Variants in KIRREL3 observed in about 807,000 individuals in gnomAD.
KIRREL3 encodes the protein kin of IRRE-like protein 3.
A neutral mutation model predicts 89.7 loss-of-function variants in KIRREL3; 36 were observed. The observed-to-expected ratio is 0.40, with a 90% CI of 0.31 to 0.53. KIRREL3 has a LOEUF of 0.53. Ranked by LOEUF, KIRREL3 falls within the 20% of genes least tolerant of loss-of-function variation. KIRREL3 has a pLI of 0.49. For synonymous variants in KIRREL3, 445 were observed against 441.4 expected, an observed-to-expected ratio of 1.01 and a Z score of -0.10; for missense variants, 864 against 1,056.6, an observed-to-expected ratio of 0.82 and a Z score of 2.53.
rs1184761432 is a variant in KIRREL3, at chr11:126,805,651, C to T, written c.55+194804G>A. On this transcript the variant is annotated intron_variant, in intron 1 of 16. Transcript: ENST00000525144. This position sits in a 1 kb window ranked among gnomAD's most constrained non-coding sequence, Gnocchi z 4.3. ...TTATTTTCAGGGTGATTGCTAAACT[C>T]CACAGTACAAAGTATGTAATAGATA... is the stretch of plus-strand genomic sequence containing the variant. Among the ~76,000 whole-genome samples the T allele has an allele frequency of 5.9e-5, 9 of 152,118 alleles. No individual in the cohort carries two copies. Among genetic ancestry groups the T allele is most frequent in the Non-Finnish European group, 1.3e-4 (9 of 68,028 alleles).
At chr11:126,962,769 C>A (rs369894127) in intron 1 of KIRREL3, among the ~76,000 whole-genome samples, 1 of 152,120 alleles carries the variant, frequency 6.6e-6, no homozygotes, top group Non-Finnish European at 1.5e-5. Flanking sequence ...GCCAACTTCA[C>A]TGTGGTCTTA....
Position 126,476,773 on chromosome 11 carries a change from C to T in KIRREL3, c.434-3307G>A, listed in dbSNP as rs1957080431. Among the ~76,000 whole-genome samples, 1 of 152,126 alleles carries T rather than the reference C, an allele frequency of 6.6e-6. No homozygotes were observed. Among genetic ancestry groups the T allele is most frequent in the South Asian group, 2.1e-4 (1 of 4,828 alleles). ...GTGTCTGGCGTGGAAGGGGGCTCCT[C>T]ATTACCTCCCCATTCAGACTCGGCC... On this transcript the variant is annotated intron_variant, in intron 4 of 16. Coordinates refer to ENST00000525144, the MANE Select transcript of KIRREL3 (RefSeq NM_032531.4). The surrounding 1 kb of genome is among the most constrained non-coding windows in gnomAD (Gnocchi z 6.4).
rs1949653960 is a variant in KIRREL3, at chr11:126,761,091, G to A, written c.56-198179C>T. Among the ~76,000 whole-genome samples, 1 of 152,230 alleles carries A rather than the reference G, an allele frequency of 6.6e-6. No individual in the cohort carries two copies. The highest frequency in any genetic ancestry group is 6.5e-5 in the Admixed American group (1 of 15,286). ...ACCATGGAGGATATATGGAATGGGT[G>A]TGGAGGTGGCTCACTTCCTCCTGCC... On this transcript the variant is annotated intron_variant, in intron 1 of 16. Coordinates refer to ENST00000525144, the MANE Select transcript of KIRREL3 (RefSeq NM_032531.4). This position sits in a 1 kb window ranked among gnomAD's most constrained non-coding sequence, Gnocchi z 4.4.
At chr11:126,799,352 CTG>C (rs200324992) in intron 1 of KIRREL3, among the ~76,000 whole-genome samples, 4 of 67,878 alleles carry the variant, frequency 5.9e-5, no homozygotes. Context: ...GTGTGTATCT[CTG>C]TGTGTATCTG....
intron 1 of KIRREL3, among the ~76,000 whole-genome samples, chr11:126,743,363 G>A (rs11220596): frequency 0.38 from 57,075 of 151,952 alleles, 11,881 homozygotes; most frequent in East Asian, 0.82. Flanking sequence ...TTAACCTAGA[G>A]ACTCTGAGGC....
Position 126,739,642 on chromosome 11 carries a change from A to C in KIRREL3, c.56-176730T>G, listed in dbSNP as rs1325413485. On this transcript the variant is annotated intron_variant, in intron 1 of 16. Coordinates refer to ENST00000525144, the MANE Select transcript of KIRREL3 (RefSeq NM_032531.4). The surrounding 1 kb of genome is among the most constrained non-coding windows in gnomAD (Gnocchi z 5.5). ...ATCTGTAATTTGGGCAGGAGTGAGG[A>C]GAAGGAAACCACAGTTAAGGTATGT... Among the ~76,000 whole-genome samples the C allele has an allele frequency of 6.6e-6, 1 of 152,194 alleles. No homozygotes were observed. Among genetic ancestry groups the C allele is most frequent in the Non-Finnish European group, 1.5e-5 (1 of 68,032 alleles).
At position 126,883,554 on chromosome 11, in the gene KIRREL3, GA is replaced by G. The variant is rs1173005347; in HGVS notation, c.55+116900del. 6.6e-6 allele frequency among the ~76,000 whole-genome samples: 1 copy of G among 152,086 alleles called. No individual in the cohort carries two copies. Among genetic ancestry groups the G allele is most frequent in the Admixed American group, 6.6e-5 (1 of 15,262 alleles). ...CCTGGAAAAAATCCAAACCTTTGATGAAGTTTGGGTAAAGTCACTTTCTGCA... is the reference window on the plus strand; with the variant it reads ...CCTGGAAAAAATCCAAACCTTTGATGAGTTTGGGTAAAGTCACTTTCTGCA... On this transcript the variant is annotated intron_variant, in intron 1 of 16. Coordinates refer to ENST00000525144, the MANE Select transcript of KIRREL3 (RefSeq NM_032531.4). This position sits in a 1 kb window ranked among gnomAD's most constrained non-coding sequence, Gnocchi z 4.1.
chr11:126,685,372 A>C lies in KIRREL3; in HGVS notation c.56-122460T>G, dbSNP rs182112667. 2.6e-5 allele frequency among the ~76,000 whole-genome samples: 4 copies of C among 152,218 alleles called. No homozygotes were observed. On this transcript the variant is annotated intron_variant, in intron 1 of 16. Transcript: ENST00000525144. The surrounding 1 kb of genome is among the most constrained non-coding windows in gnomAD (Gnocchi z 5.5). Reference sequence around the variant, plus strand: ...TCTTGCAGGAGACTTGGAGACAGAAATTCTTTGGGAAGGAGATGGGGTAGC... The same window carrying C: ...TCTTGCAGGAGACTTGGAGACAGAACTTCTTTGGGAAGGAGATGGGGTAGC...
At chr11:126,966,926 A>T (rs1949290272) in intron 1 of KIRREL3, among the ~76,000 whole-genome samples, 1 of 152,184 alleles carries the variant, frequency 6.6e-6, no homozygotes, top group South Asian at 2.1e-4. Context: ...CTGTAAATTA[A>T]ATAAGAAACT....
rs35902145 is a variant in KIRREL3, at chr11:126,660,184, CT to C, written c.56-97273del. ...AGAGAACTGTGAGGCCACAGGACTA[CT>C]GAAATAGAGCTCCATGCCCTTCTCC... On this transcript the variant is annotated intron_variant, in intron 1 of 16. Coordinates refer to ENST00000525144, the MANE Select transcript of KIRREL3 (RefSeq NM_032531.4). Among the ~76,000 whole-genome samples, 159 of 152,266 alleles carry C rather than the reference CT, an allele frequency of 1.0e-3. 3 individuals are homozygous for C. The highest frequency in any genetic ancestry group is 3.9e-3 in the South Asian group (19 of 4,816).
chr11:126,638,417 G>A (rs1048309051), intron 1 of KIRREL3, among the ~76,000 whole-genome samples: 9 of 152,208 alleles, frequency 5.9e-5, no homozygotes, highest in Admixed American at 5.9e-4. Flanking sequence ...AACTCTTGAT[G>A]TTTCACCAGT....
intron 1 of KIRREL3, among the ~76,000 whole-genome samples, chr11:126,586,356 G>T (rs1011365794): frequency 1.3e-5 from 2 of 152,112 alleles, no homozygotes; most frequent in Non-Finnish European, 2.9e-5. Flanking sequence ...ATCCAGCTCG[G>T]ACTGGATAGT....
At chr11:126,919,543 G>C (rs1368022949) in intron 1 of KIRREL3, among the ~76,000 whole-genome samples, 1 of 152,208 alleles carries the variant, frequency 6.6e-6, no homozygotes, top group Non-Finnish European at 1.5e-5. Flanking sequence ...CAACACATCA[G>C]AGACAAGCCT....
chr11:126,859,914 C>G (rs577009601), intron 1 of KIRREL3, among the ~76,000 whole-genome samples: 1 of 152,332 alleles, frequency 6.6e-6, no homozygotes, highest in East Asian at 1.9e-4. Context: ...ACCCTCCTTT[C>G]TATCTCTACA....
At chr11:126,446,301 TCTCTCTCTCTCTTC>T in intron 9 of KIRREL3, among the ~76,000 whole-genome samples, 3 of 150,882 alleles carry the variant, frequency 2.0e-5, no homozygotes, top group African/African-American at 7.4e-5. Flanking sequence ...TTTCTTTCTT[TCTCTCTCTCTCTTC>T]CTTTCTTCCT....
rs555307873 is a variant in KIRREL3 at position 126,520,336 on chromosome 11, G to A, written c.433+979C>T. Among the ~76,000 whole-genome samples, 2 of 152,254 alleles carry A rather than the reference G, an allele frequency of 1.3e-5. No homozygotes were observed. Among genetic ancestry groups the A allele is most frequent in the East Asian group, 3.9e-4 (2 of 5,166 alleles). On this transcript the variant is annotated intron_variant, in intron 4 of 16. Coordinates refer to ENST00000525144, the MANE Select transcript of KIRREL3 (RefSeq NM_032531.4). This position sits in a 1 kb window ranked among gnomAD's most constrained non-coding sequence, Gnocchi z 4.9. The stretch of plus-strand genomic sequence containing the variant: ...CCTGGCACAGACTCACGTGTAAGGG[G>A]GCAGCGAGGTGGGGCAGGTAGCCCT...
At chr11:126,886,957 A>G (rs1368613648) in intron 1 of KIRREL3, among the ~76,000 whole-genome samples, 1 of 89,270 alleles carries the variant, frequency 1.1e-5, no homozygotes. Flanking sequence ...TCAACATTCA[A>G]GAAAAAAGGA....
rs1957059181 is a variant in KIRREL3, at chr11:126,476,195, G to A, written c.434-2729C>T. Among the ~76,000 whole-genome samples the A allele has an allele frequency of 6.6e-6, 1 of 152,196 alleles. No homozygotes were observed. The highest frequency in any genetic ancestry group is 6.5e-5 in the Admixed American group (1 of 15,286). ...CCTTGACTGCATGCTCCTCTGCAGA[G>A]GTTTTAAAACCTCACTGCGGGCCAC... On this transcript the variant is annotated intron_variant, in intron 4 of 16. Transcript: ENST00000525144. This position sits in a 1 kb window ranked among gnomAD's most constrained non-coding sequence, Gnocchi z 6.4.
chr11:126,491,175 TC>T lies in KIRREL3; in HGVS notation c.434-17710del, dbSNP rs1170280163. ...TGCGTGGACTCTGGCGAGTTGCACC[TC>T]CCCGGGCGTCAGCGTCTGCATCTGA... On this transcript the variant is annotated intron_variant, in intron 4 of 16. Coordinates refer to ENST00000525144, the MANE Select transcript of KIRREL3 (RefSeq NM_032531.4). The surrounding 1 kb of genome is among the most constrained non-coding windows in gnomAD (Gnocchi z 5.5). Among the ~76,000 whole-genome samples the T allele has an allele frequency of 2.0e-5, 3 of 152,066 alleles. No homozygotes were observed. The highest frequency in any genetic ancestry group is 4.4e-5 in the Non-Finnish European group (3 of 67,998).
Sources: allele counts gnomAD v4.1 joint callset (sites outside exome capture counted in the v4.1 genomes callset), GRCh38; gene constraint gnomAD v4.1.1; non-coding constraint Gnocchi (gnomAD v3.1); transcripts MANE v1.5; gene names NCBI Gene and HGNC (gene_info 2026-07-23, HGNC 2026-07-21).